Variants in PDZRN4 observed in about 807,000 individuals in gnomAD.
PDZRN4 encodes PDZ domain-containing RING finger protein 4.
In PDZRN4, 70 loss-of-function variants were observed where a neutral mutation model predicts 99.0. The observed-to-expected ratio is 0.71, with a 90% confidence interval of 0.58 to 0.86. The LOEUF (loss-of-function observed/expected upper bound fraction) is 0.86, where lower values mean the gene tolerates loss of function less well. Among genes scored for constraint, PDZRN4 ranks in the 40% least tolerant of loss-of-function variants. The pLI is 0.00. For synonymous variants in PDZRN4, 551 were observed against 501.6 expected, an observed-to-expected ratio of 1.10 and a Z score of -1.32; for missense variants, 1,474 against 1,331.2, an observed-to-expected ratio of 1.11 and a Z score of -1.67.
chr12:41,391,278 A>G (rs545103956), intron 3 of PDZRN4, among the ~76,000 whole-genome samples: 62 of 152,332 alleles, frequency 4.1e-4, no homozygotes, highest in Admixed American at 1.1e-3. Flanking sequence ...TGAAAATACA[A>G]ATCACCCCAG....
At chr12:41,287,116 T>G (rs1408078231) in intron 3 of PDZRN4, among the ~76,000 whole-genome samples, 2 of 152,302 alleles carry the variant, frequency 1.3e-5, no homozygotes, top group Admixed American at 6.5e-5. Flanking sequence ...AAGCATTATT[T>G]AAATCATTCA....
intron 3 of PDZRN4, among the ~76,000 whole-genome samples, chr12:41,322,114 C>T (rs1313334916): frequency 6.6e-6 from 1 of 152,106 alleles, no homozygotes; most frequent in Non-Finnish European, 1.5e-5. Context: ...TTACTGCAAC[C>T]TCTGCCCCCT....
intron 3 of PDZRN4, among the ~76,000 whole-genome samples, chr12:41,450,970 A>G (rs1952769643): frequency 1.3e-5 from 2 of 151,892 alleles, no homozygotes. Flanking sequence ...ATCTGTGTAT[A>G]TATTACTATA....
intron 3 of PDZRN4, among the ~76,000 whole-genome samples, chr12:41,403,546 C>A (rs1300251546): frequency 6.6e-6 from 1 of 152,074 alleles, no homozygotes; most frequent in Non-Finnish European, 1.5e-5. Context: ...ACAGAATATT[C>A]TCTTTATATG....
intron 5 of PDZRN4, among the ~76,000 whole-genome samples, chr12:41,538,657 G>A (rs1309448476): frequency 6.6e-6 from 1 of 151,628 alleles, no homozygotes; most frequent in African/African-American, 2.4e-5. Flanking sequence ...TAATTGTTGG[G>A]CAAAAAAATT....
intron 3 of PDZRN4, among the ~76,000 whole-genome samples, chr12:41,472,841 G>A (rs1953006415): frequency 6.6e-6 from 1 of 152,162 alleles, no homozygotes; most frequent in Non-Finnish European, 1.5e-5. Flanking sequence ...GGAATCATAT[G>A]TGAAACTAAG....
At chr12:41,567,086 A>C (rs949342503) in intron 8 of PDZRN4, among the ~76,000 whole-genome samples, 1 of 152,210 alleles carries the variant, frequency 6.6e-6, no homozygotes, top group Non-Finnish European at 1.5e-5. Context: ...AAAACCCTGC[A>C]TGCCCCACAC....
intron 7 of PDZRN4, among the ~76,000 whole-genome samples, chr12:41,561,645 C>G (rs1048701213): frequency 3.4e-5 from 5 of 147,364 alleles, no homozygotes; most frequent in Non-Finnish European, 7.5e-5. Flanking sequence ...AAGTGGAGAC[C>G]AGGAATAAAA....
chr12:41,501,749 G>T (rs762267666), intron 3 of PDZRN4, among the ~76,000 whole-genome samples: 1 of 152,076 alleles, frequency 6.6e-6, no homozygotes, highest in African/African-American at 2.4e-5. Flanking sequence ...ATTTACATGT[G>T]TTTATTACAA....
chr12:41,555,050 TACAAAAAA>T (rs1173685421), intron 6 of PDZRN4, among the ~76,000 whole-genome samples: 7 of 26,728 alleles, frequency 2.6e-4, no homozygotes, highest in East Asian at 1.4e-3. Flanking sequence ...CTACTAAAAA[TACAAAAAA>T]AAAAAAAAAA....
chr12:41,203,735 T>C (rs1449801761), intron 3 of PDZRN4, among the ~76,000 whole-genome samples: 1 of 152,002 alleles, frequency 6.6e-6, no homozygotes, highest in Non-Finnish European at 1.5e-5. Flanking sequence ...TAATACTACC[T>C]ATTATTAAGA....
intron 3 of PDZRN4, among the ~76,000 whole-genome samples, chr12:41,340,898 C>G (rs1019092416): frequency 1.6e-4 from 24 of 151,800 alleles, no homozygotes; most frequent in East Asian, 7.8e-4. Flanking sequence ...CAAAACCAGA[C>G]AAGGACACAA....
intron 3 of PDZRN4, among the ~76,000 whole-genome samples, chr12:41,316,792 C>T (rs1176707037): frequency 3.3e-5 from 5 of 151,488 alleles, no homozygotes; most frequent in African/African-American, 1.2e-4. Context: ...ATTTTAAATT[C>T]TGATACTTTC....
chr12:41,320,309 T>C (rs1413734985), intron 3 of PDZRN4, among the ~76,000 whole-genome samples: 3 of 152,214 alleles, frequency 2.0e-5, no homozygotes, highest in Admixed American at 1.3e-4. Context: ...GGAGCAATAT[T>C]AGATCCTGTG....
chr12:41,461,529 C>T (rs528821275), intron 3 of PDZRN4, among the ~76,000 whole-genome samples: 88 of 152,256 alleles, frequency 5.8e-4, no homozygotes, highest in African/African-American at 2.0e-3. Flanking sequence ...ACAGACAAGG[C>T]TCCCAACAAC....
intron 3 of PDZRN4, among the ~76,000 whole-genome samples, chr12:41,265,090 C>A (rs866385527): frequency 8.7e-5 from 13 of 150,166 alleles, no homozygotes; most frequent in African/African-American, 3.0e-4. Flanking sequence ...CCCCCCAAAT[C>A]TAGAATAAAT....
intron 3 of PDZRN4, among the ~76,000 whole-genome samples, chr12:41,349,801 G>A (rs1293294980): frequency 4.0e-5 from 6 of 151,770 alleles, no homozygotes; most frequent in South Asian, 4.2e-4. Context: ...ATATGTATAC[G>A]GTATGGGGAA....
chr12:41,462,260 T>C (rs1952880022), intron 3 of PDZRN4, among the ~76,000 whole-genome samples: 1 of 152,224 alleles, frequency 6.6e-6, no homozygotes, highest in South Asian at 2.1e-4. Context: ...GCAGTGTTTG[T>C]GGAACGAAAT....
chr12:41,437,037 A>G (rs1270881804), intron 3 of PDZRN4, among the ~76,000 whole-genome samples: 1 of 152,218 alleles, frequency 6.6e-6, no homozygotes, highest in African/African-American at 2.4e-5. Context: ...TACTCAATAG[A>G]TGGGCCTTCA....
Sources: allele counts gnomAD v4.1 joint callset (sites outside exome capture counted in the v4.1 genomes callset), GRCh38; gene constraint gnomAD v4.1.1; transcripts MANE v1.5; gene names NCBI Gene and HGNC (gene_info 2026-07-23, HGNC 2026-07-21).